The following DPP10 variants were observed in gnomAD, a reference collection of about 807,000 sequenced individuals.
DPP10 encodes the protein dipeptidyl peptidase like 10, also known as inactive dipeptidyl peptidase 10.
A neutral mutation model predicts 120.9 loss-of-function variants in DPP10; 33 were observed. The observed-to-expected ratio is 0.27, with a 90% CI of 0.21 to 0.37. The LOEUF (loss-of-function observed/expected upper bound fraction) is 0.37. Ranked by LOEUF, DPP10 falls within the 10% of genes least tolerant of loss-of-function variation. The pLI, the probability that DPP10 is intolerant of heterozygous loss-of-function variation, is 1.00. For missense variants in DPP10, 816 were observed against 942.8 expected (o/e 0.87, Z 1.76); for synonymous variants, 337 against 326.1 (o/e 1.03, Z -0.36).
At chr2:114,553,000 C>T (rs1688008190) in intron 1 of DPP10, among the ~76,000 whole-genome samples, 1 of 152,186 alleles carries the variant, frequency 6.6e-6, no homozygotes, top group Admixed American at 6.5e-5. Flanking sequence ...GTTGTCCTCT[C>T]CTCTTGCTGC....
intron 1 of DPP10, among the ~76,000 whole-genome samples, chr2:115,059,800 C>G (rs1848758): frequency 6.6e-6 from 1 of 152,024 alleles, no homozygotes; most frequent in Non-Finnish European, 1.5e-5. Context: ...AAGCAAGCTG[C>G]GGTTAGTTCT....
Position 115,780,784 on chromosome 2 carries a change from T to G in DPP10, c.1362-90T>G, listed in dbSNP as rs543932368. On this transcript the variant is annotated intron_variant, in intron 15 of 25. Transcript: ENST00000410059. ...CTATGCAAGCACCGATGTAACTCCC[T>G]TGTTTATATTATATTTAAATATGAA... The G allele has an allele frequency of 7.1e-6, 9 of 1,259,108 alleles. No individual in the cohort carries two copies. The African/African-American group carries it at 1.2e-4, about 17-fold the overall frequency. 78.0% of individuals were successfully genotyped at this position (1,259,108 alleles called of 1,614,324 possible).
At chr2:115,430,518 G>A (rs565072722) in intron 3 of DPP10, among the ~76,000 whole-genome samples, 175 of 152,166 alleles carry the variant, frequency 1.2e-3, no homozygotes, top group East Asian at 4.3e-3. Flanking sequence ...GTCTTTGTCC[G>A]TCAAAGTATT....
At chr2:115,017,394 C>G (rs1033668981) in intron 1 of DPP10, among the ~76,000 whole-genome samples, 4 of 152,046 alleles carry the variant, frequency 2.6e-5, no homozygotes, top group Admixed American at 2.6e-4. Flanking sequence ...AACACTTTTA[C>G]ACTGTTGGTG....
chr2:115,831,158 A>G lies in DPP10; in HGVS notation c.1951-4999A>G, dbSNP rs1688881598. On this transcript the variant is annotated intron_variant, in intron 21 of 25. Coordinates refer to ENST00000410059, the MANE Select transcript of DPP10 (RefSeq NM_020868.6). ...TTATCTTGTATTTATAAAATTCTTT[A>G]TTTCCAATTAATTCATTGTGTACCA... 4.6e-5 allele frequency among the ~76,000 whole-genome samples: 7 copies of G among 152,240 alleles called. 1 individual carries two copies. The highest frequency in any genetic ancestry group is 4.6e-4 in the Admixed American group (7 of 15,288).
chr2:114,496,122 T>C (rs1419797209), intron 1 of DPP10, among the ~76,000 whole-genome samples: 2 of 152,122 alleles, frequency 1.3e-5, no homozygotes, highest in African/African-American at 2.4e-5. Flanking sequence ...GAGCTAGTTA[T>C]GAAGGAAGCA....
At chr2:115,723,197 G>A (rs1325119454) in intron 7 of DPP10, among the ~76,000 whole-genome samples, 1 of 152,168 alleles carries the variant, frequency 6.6e-6, no homozygotes, top group African/African-American at 2.4e-5. Context: ...GGGCAGCAGC[G>A]GGACTGACGA....
At chr2:115,540,757 T>A (rs143596726) in intron 5 of DPP10, among the ~76,000 whole-genome samples, 1 of 151,862 alleles carries the variant, frequency 6.6e-6, no homozygotes, top group Admixed American at 6.6e-5. Flanking sequence ...ACAAAAACAT[T>A]AGCAATTTTC....
intron 1 of DPP10, among the ~76,000 whole-genome samples, chr2:115,255,083 G>T (rs1291247852): frequency 1.3e-5 from 2 of 152,226 alleles, no homozygotes; most frequent in African/African-American, 4.8e-5. Flanking sequence ...TGCCGTAGGA[G>T]AGGTTCTCCA....
intron 19 of DPP10, among the ~76,000 whole-genome samples, chr2:115,799,990 G>T (rs1684997482): frequency 6.6e-6 from 1 of 151,634 alleles, no homozygotes; most frequent in Admixed American, 6.6e-5. Context: ...TCTAGTTCTA[G>T]ATCCCTGAGG....
intron 3 of DPP10, among the ~76,000 whole-genome samples, chr2:115,386,730 CAG>C (rs2066963596): frequency 6.6e-6 from 1 of 152,108 alleles, no homozygotes; most frequent in African/African-American, 2.4e-5. Flanking sequence ...AGAGGAAGGA[CAG>C]AGGTTTTCCT....
chr2:115,040,035 A>G lies in DPP10; in HGVS notation c.61-269204A>G, dbSNP rs75590368. ...TGGGAAGGTCTTGACCGCTAGTATA[A>G]GAAGTAATTTTACTAGAAGTAATGC... On this transcript the variant is annotated intron_variant, in intron 1 of 25. Coordinates refer to ENST00000410059, the MANE Select transcript of DPP10 (RefSeq NM_020868.6). Among the ~76,000 whole-genome samples, 986 of 152,338 alleles carry G rather than the reference A, an allele frequency of 6.5e-3. 12 individuals are homozygous for G. The highest frequency in any genetic ancestry group is 0.018 in the African/African-American group (742 of 41,586).
intron 1 of DPP10, among the ~76,000 whole-genome samples, chr2:114,618,195 C>T (rs1693817737): frequency 6.6e-6 from 1 of 152,164 alleles, no homozygotes; most frequent in Middle Eastern, 3.4e-3. Flanking sequence ...GGATTAATTG[C>T]ACCACTTTTT....
intron 1 of DPP10, among the ~76,000 whole-genome samples, chr2:114,946,561 A>G (rs905994332): frequency 6.6e-6 from 1 of 152,120 alleles, no homozygotes; most frequent in Non-Finnish European, 1.5e-5. Context: ...TATTCATGTA[A>G]TGTTTCTCTT....
At chr2:115,442,934 A>G (rs1386004137) in intron 3 of DPP10, among the ~76,000 whole-genome samples, 9 of 152,160 alleles carry the variant, frequency 5.9e-5, no homozygotes, top group Admixed American at 4.6e-4. Context: ...TTAGAAACCT[A>G]GGGATAGCAT....
rs1236172311 is a variant in DPP10 at position 114,442,755 on chromosome 2, G to A, written c.-24G>A. On this transcript the variant is annotated 5_prime_UTR_variant, in exon 1 of 26. It adds an upstream start codon to the 5' untranslated region. Coordinates refer to ENST00000410059, the MANE Select transcript of DPP10 (RefSeq NM_020868.6). ...TCATTCTGGAACTCCGCCTGGGATT[G>A]TGCACTGTCCAGGGTCCTGAAACAT... 6.2e-7 allele frequency: 1 copy of A among 1,612,978 alleles called. No individual in the cohort carries two copies. Among genetic ancestry groups the A allele is most frequent in the Admixed American group, 1.7e-5 (1 of 59,922 alleles).
chr2:115,608,296 G>T (rs147259834), intron 5 of DPP10, among the ~76,000 whole-genome samples: 1 of 152,016 alleles, frequency 6.6e-6, no homozygotes, highest in Non-Finnish European at 1.5e-5. Flanking sequence ...AGGCGGAGGC[G>T]TGAGAATTGC....
At chr2:115,736,138 A>C (rs1676471574) in intron 8 of DPP10, among the ~76,000 whole-genome samples, 1 of 152,152 alleles carries the variant, frequency 6.6e-6, no homozygotes, top group African/African-American at 2.4e-5. Context: ...TCCTTTAGGC[A>C]ATGGACTTCT....
At chr2:114,574,980 G>A (rs1159386966) in intron 1 of DPP10, among the ~76,000 whole-genome samples, 1 of 152,108 alleles carries the variant, frequency 6.6e-6, no homozygotes, top group African/African-American at 2.4e-5. Flanking sequence ...AAACTGAATA[G>A]TTCTCACTCC....
Sources: gnomAD v4.1 joint callset for allele counts (sites outside exome capture counted in the v4.1 genomes callset) on GRCh38, gnomAD v4.1.1 for gene constraint, MANE v1.5 for transcripts, NCBI Gene and HGNC (gene_info 2026-07-23, HGNC 2026-07-21) for gene names.